IPO11: variants seen among roughly 807,000 people sequenced by gnomAD.
The protein encoded by IPO11 is importin-11.
Under a neutral mutation model 143.2 loss-of-function variants are expected in IPO11, and 66 were observed. The observed-to-expected ratio is 0.46, with a 90% CI of 0.38 to 0.57. The LOEUF is 0.57. Among genes scored for constraint, IPO11 ranks in the 20% least tolerant of loss-of-function variants. The pLI, the probability that IPO11 is intolerant of heterozygous loss-of-function variation, is 0.00. For synonymous variants in IPO11, 385 were observed against 377.8 expected (o/e 1.02, Z -0.22); for missense variants, 1,026 against 1,141.0 (o/e 0.90, Z 1.45).
At chr5:62,544,198 TC>T (rs67749441) in intron 24 of IPO11, among the ~76,000 whole-genome samples, 1 of 151,350 alleles carries the variant, frequency 6.6e-6, no homozygotes, top group Non-Finnish European at 1.5e-5. Context: ...AATGCAAAAA[TC>T]CTCAATAAAA....
intron 20 of IPO11, among the ~76,000 whole-genome samples, chr5:62,520,319 T>A (rs1580277886): frequency 6.6e-6 from 1 of 152,358 alleles, no homozygotes; most frequent in East Asian, 1.9e-4. Context: ...ACTTGTTATC[T>A]ACACATTTCC....
At chr5:62,562,518 A>C (rs553049368) in intron 27 of IPO11, among the ~76,000 whole-genome samples, 1 of 152,152 alleles carries the variant, frequency 6.6e-6, no homozygotes, top group East Asian at 1.9e-4. Flanking sequence ...TAGGGTTACC[A>C]CTCCTATGAG....
intron 9 of IPO11, among the ~76,000 whole-genome samples, chr5:62,482,584 C>T (rs1461961568): frequency 2.0e-5 from 3 of 152,110 alleles, no homozygotes; most frequent in African/African-American, 4.8e-5. Flanking sequence ...AGCTGTTGAT[C>T]ATCATTTGCC....
At chr5:62,565,174 A>G (rs1743890978) in intron 27 of IPO11, among the ~76,000 whole-genome samples, 1 of 152,200 alleles carries the variant, frequency 6.6e-6, no homozygotes, top group African/African-American at 2.4e-5. Context: ...TGTATTAAGA[A>G]AATGGACCTA....
chr5:62,540,293 G>A (rs1023537224), intron 24 of IPO11, among the ~76,000 whole-genome samples: 3 of 152,096 alleles, frequency 2.0e-5, no homozygotes, highest in Non-Finnish European at 2.9e-5. Context: ...GTTATTAGAT[G>A]AGGAGTGATA....
At chr5:62,512,469 T>C (rs751838373) in intron 19 of IPO11, 216 of 1,098,246 alleles carry the variant, frequency 2.0e-4, no homozygotes, top group Non-Finnish European at 2.8e-4. Context: ...ATAGTAAATT[T>C]GTTTGTGCGA....
chr5:62,414,718 T>C (rs1036471601), intron 1 of IPO11, among the ~76,000 whole-genome samples: 1 of 152,238 alleles, frequency 6.6e-6, no homozygotes, highest in Non-Finnish European at 1.5e-5. Flanking sequence ...CCAGAGCTGC[T>C]GAATCAAAAT....
chr5:62,538,988 G>A (rs971615498), intron 24 of IPO11, among the ~76,000 whole-genome samples: 7 of 152,138 alleles, frequency 4.6e-5, no homozygotes, highest in African/African-American at 1.4e-4. Flanking sequence ...CATTTAAAAC[G>A]TATTTTTGTG....
At chr5:62,596,385 A>G (rs1386041650) in intron 28 of IPO11, among the ~76,000 whole-genome samples, 1 of 152,174 alleles carries the variant, frequency 6.6e-6, no homozygotes, top group Non-Finnish European at 1.5e-5. Context: ...CATACCAAGT[A>G]TAAAGGAAAT....
At chr5:62,482,132 G>A (rs1407963398) in intron 9 of IPO11, among the ~76,000 whole-genome samples, 2 of 152,090 alleles carry the variant, frequency 1.3e-5, no homozygotes, top group Non-Finnish European at 2.9e-5. Context: ...GATTGGTGGT[G>A]ATACTCCTTA....
chr5:62,466,036 G>C (rs1283353594), intron 5 of IPO11, among the ~76,000 whole-genome samples: 2 of 152,214 alleles, frequency 1.3e-5, no homozygotes, highest in Non-Finnish European at 2.9e-5. Context: ...TTCAGAACCT[G>C]AGAGGTGATG....
At chr5:62,620,662 A>G (rs1354734051) in intron 29 of IPO11, among the ~76,000 whole-genome samples, 2 of 152,216 alleles carry the variant, frequency 1.3e-5, no homozygotes, top group East Asian at 1.9e-4. Context: ...GTCAATAGAA[A>G]AGAAATGTCT....
chr5:62,506,403 T>A, intron 19 of IPO11, 46 bp downstream of exon 19: 1 of 1,025,312 alleles, frequency 9.8e-7, no homozygotes, highest in Non-Finnish European at 1.5e-6. Flanking sequence ...GTGGGTAGAA[T>A]AGACGTAGAA....
intron 27 of IPO11, among the ~76,000 whole-genome samples, chr5:62,582,041 C>T (rs558238153): frequency 1.2e-4 from 18 of 152,158 alleles, no homozygotes; most frequent in Admixed American, 3.3e-4. Flanking sequence ...TGATGGTGTG[C>T]GATTTAAAGC....
At chr5:62,436,979 T>A (rs1744267445) in intron 1 of IPO11, among the ~76,000 whole-genome samples, 1 of 152,216 alleles carries the variant, frequency 6.6e-6, no homozygotes, top group South Asian at 2.1e-4. Flanking sequence ...ACTCAGAATT[T>A]AGAAACTTTG....
intron 19 of IPO11, among the ~76,000 whole-genome samples, chr5:62,514,852 T>C (rs1341023034): frequency 6.6e-6 from 1 of 152,242 alleles, no homozygotes; most frequent in Non-Finnish European, 1.5e-5. Flanking sequence ...AATTTTATCC[T>C]TTGAAAATGT....
chr5:62,541,910 T>C (rs1742962430), intron 24 of IPO11, among the ~76,000 whole-genome samples: 1 of 152,128 alleles, frequency 6.6e-6, no homozygotes, highest in African/African-American at 2.4e-5. Context: ...AGGATACAGA[T>C]ACTTGAATTA....
Position 62,581,563 on chromosome 5 carries a change from T to G in IPO11, c.2583-10014T>G, listed in dbSNP as rs191248108. ...TGCCAAATATTTCACATTTCACATT[T>G]AATCTGTGAATAGTCTTGAAAGGTG... On this transcript the variant is annotated intron_variant, in intron 27 of 29. Coordinates refer to ENST00000325324, the MANE Select transcript of IPO11 (RefSeq NM_016338.5). 4 of 350,558 alleles carry G rather than the reference T, an allele frequency of 1.1e-5. No homozygotes were observed. In the East Asian group the frequency reaches 2.1e-4, roughly 18 times the overall value. The allele number at this position is 350,558 out of a possible 1,614,324, so 21.7% of individuals were successfully genotyped here.
At chr5:62,525,045 G>A (rs1190116220) in intron 20 of IPO11, among the ~76,000 whole-genome samples, 1 of 152,020 alleles carries the variant, frequency 6.6e-6, no homozygotes, top group Non-Finnish European at 1.5e-5. Flanking sequence ...ATTTTAGATC[G>A]AAACTTCTCT....
Sources: gnomAD v4.1 joint callset for allele counts (sites outside exome capture counted in the v4.1 genomes callset) on GRCh38, gnomAD v4.1.1 for gene constraint, MANE v1.5 for transcripts, NCBI Gene and HGNC (gene_info 2026-07-23, HGNC 2026-07-21) for gene names.